The following DNAH11 variants were observed in gnomAD, a reference collection of about 807,000 sequenced individuals.
DNAH11 encodes dynein axonemal heavy chain 11.
In DNAH11, 442 loss-of-function variants were observed where a neutral mutation model predicts 526.0. That is an observed-to-expected ratio of 0.84 (90% CI 0.78 to 0.91). The LOEUF (loss-of-function observed/expected upper bound fraction) is 0.91, where lower values mean the gene tolerates loss of function less well. Among genes scored for constraint, DNAH11 ranks in the 40% least tolerant of loss-of-function variants. The probability of loss-of-function intolerance (pLI) is 0.00; values close to 1 mark genes in which losing one functional copy is unlikely to be tolerated. For missense variants in DNAH11, 6,989 were observed against 5,448.7 expected (o/e 1.28, Z -8.90); for synonymous variants, 2,461 against 1,935.9 (o/e 1.27, Z -7.12).
intron 52 of DNAH11, among the ~76,000 whole-genome samples, chr7:21,748,957 T>G (rs1786282488): frequency 6.6e-6 from 1 of 152,138 alleles, no homozygotes; most frequent in East Asian, 1.9e-4. Context: ...TTTGTGTAGG[T>G]TTAATAACAT....
chr7:21,601,097 C>T lies in DNAH11; in HGVS notation c.3343C>T (p.Pro1115Ser), dbSNP rs772893360. The T allele has an allele frequency of 1.1e-5, 17 of 1,610,186 alleles. No individual in the cohort carries two copies. Among genetic ancestry groups the T allele is most frequent in the Non-Finnish European group, 1.4e-5 (17 of 1,179,258 alleles). The change falls in exon 17 of 82, where the codon CCT becomes TCT. Residue 1115 changes from proline to serine, a missense_variant. Physicochemically the swap from Pro to Ser is moderately conservative, Grantham distance 74 (BLOSUM62 -1). Transcript: ENST00000409508. ...TAGTTGGTTCAAGGTGGACATGAAG[C>T]CTTTCAAAGTGAGCTTGTTAACCAT... The part of the protein sequence containing the change: ...FDSWFKVDMK[P>S]FKVSLLTIIK...
chr7:21,836,294 C>T (rs1257697348), intron 65 of DNAH11, among the ~76,000 whole-genome samples: 2 of 151,888 alleles, frequency 1.3e-5, no homozygotes, highest in Non-Finnish European at 2.9e-5. Context: ...AATAGCCAAA[C>T]CAACCTTGAG....
chr7:21,564,038 A>ATC, intron 5 of DNAH11, 148 bp from the exon 6 acceptor site: 2 of 575,676 alleles, frequency 3.5e-6, no homozygotes, highest in Non-Finnish European at 5.9e-6. Flanking sequence ...TCGTGTGTAG[A>ATC]TTGTAGGATA....
intron 54 of DNAH11, among the ~76,000 whole-genome samples, chr7:21,763,333 C>T (rs1226105551): frequency 8.0e-4 from 19 of 23,738 alleles, no homozygotes; most frequent in African/African-American, 1.5e-3. Context: ...CAGAGCAAGA[C>T]TGTCTCAAAA....
rs762112951 is a variant in DNAH11, at chr7:21,623,056, C to A, written c.4500+2978C>A. 6.5e-4 allele frequency among the ~76,000 whole-genome samples: 99 copies of A among 151,752 alleles called. 1 individual carries two copies. The East Asian group carries it at 0.015, about 24-fold the overall frequency. ...AACCTACAAAATGGGAGAAAATTTTCGCAACCTACTCATCTGACAAAGGGC... is the reference window on the plus strand; with the variant it reads ...AACCTACAAAATGGGAGAAAATTTTAGCAACCTACTCATCTGACAAAGGGC... On this transcript the variant is annotated intron_variant, in intron 25 of 81. Transcript: ENST00000409508.
At chr7:21,563,030 C>A (rs1487452894) in intron 5 of DNAH11, among the ~76,000 whole-genome samples, 1 of 152,056 alleles carries the variant, frequency 6.6e-6, no homozygotes, top group Non-Finnish European at 1.5e-5. Flanking sequence ...TTCTCAGTTC[C>A]TCAAGGGTAT....
Position 21,852,717 on chromosome 7 carries a change from A to G in DNAH11, c.11061+86A>G, listed in dbSNP as rs1035630496. The G allele has an allele frequency of 3.5e-6, 5 of 1,415,280 alleles. No individual in the cohort carries two copies. The East Asian group carries it at 9.4e-5, about 27-fold the overall frequency. The allele number at this position is 1,415,280 out of a possible 1,614,324, so 87.7% of individuals were successfully genotyped here. A position where few individuals can be genotyped will look rare whatever the true frequency, so the allele number is the denominator to read the frequency against. On this transcript the variant is annotated intron_variant, in intron 67 of 81. Coordinates refer to ENST00000409508, the MANE Select transcript of DNAH11 (RefSeq NM_001277115.2). ...GTGGGCAGTGTGATCAGACTTGGTA[A>G]TTCCTCTAAGAGGACCAGCGTGTGG...
chr7:21,729,009 C>G (rs1220178392), intron 45 of DNAH11, among the ~76,000 whole-genome samples: 1 of 152,234 alleles, frequency 6.6e-6, no homozygotes, highest in Non-Finnish European at 1.5e-5. Context: ...CGGTAGCATC[C>G]TGGCTCAGTG....
In DNAH11 at chr7:21,796,210, C is replaced by T. The variant is rs149791297; in HGVS notation, c.10027-4927C>T. Among the ~76,000 whole-genome samples, 5 of 152,258 alleles carry T rather than the reference C, an allele frequency of 3.3e-5. No homozygotes were observed. In the East Asian group the frequency reaches 9.7e-4, roughly 29 times the overall value. On this transcript the variant is annotated intron_variant, in intron 61 of 81. Transcript: ENST00000409508. ...AATAGTAGTTGTATTTTCTTTTAAC[C>T]GTGTTATAGACAATGATTAAGGCAA...
At chr7:21,855,806 A>G (rs1782823632) in intron 68 of DNAH11, among the ~76,000 whole-genome samples, 1 of 152,190 alleles carries the variant, frequency 6.6e-6, no homozygotes, top group African/African-American at 2.4e-5. Flanking sequence ...GTGGAGGTAT[A>G]TCTATATGTA....
chr7:21,544,446 A>G (rs1782729403), intron 1 of DNAH11, among the ~76,000 whole-genome samples: 1 of 152,226 alleles, frequency 6.6e-6, no homozygotes, highest in Non-Finnish European at 1.5e-5. Flanking sequence ...CTTTAAAAAA[A>G]ATAAGTTTGT....
At chr7:21,712,002 G>A (rs1220392517) in intron 42 of DNAH11, 142 bp downstream of exon 42, 3 of 1,019,268 alleles carry the variant, frequency 2.9e-6, no homozygotes, top group Non-Finnish European at 4.3e-6. Flanking sequence ...TCTTCCCAAA[G>A]TGACACTCTT....
intron 63 of DNAH11, among the ~76,000 whole-genome samples, chr7:21,813,891 A>C (rs17145558): frequency 0.012 from 1,830 of 152,308 alleles, 41 homozygotes; most frequent in African/African-American, 0.042. Context: ...AAATTCTGAA[A>C]AGACAAGTTA....
chr7:21,729,141 C>A (rs1785265502), intron 45 of DNAH11, among the ~76,000 whole-genome samples: 1 of 152,214 alleles, frequency 6.6e-6, no homozygotes, highest in Non-Finnish European at 1.5e-5. Flanking sequence ...CTGTGAATTG[C>A]CTTTGGAGTT....
chr7:21,621,921 C>T (rs1786080950), intron 25 of DNAH11, among the ~76,000 whole-genome samples: 1 of 152,064 alleles, frequency 6.6e-6, no homozygotes, highest in Non-Finnish European at 1.5e-5. Context: ...GACAGGGATG[C>T]CCTCTCTCAC....
intron 62 of DNAH11, 93 bp downstream of exon 62, chr7:21,801,368 T>C: frequency 6.7e-7 from 1 of 1,491,104 alleles, no homozygotes; most frequent in African/African-American, 1.4e-5. Context: ...TAAATAGACA[T>C]GGAATTAACA....
intron 76 of DNAH11, 70 bp downstream of exon 76, chr7:21,884,480 A>G (rs1784048002): frequency 7.0e-7 from 1 of 1,423,752 alleles, no homozygotes; most frequent in Middle Eastern, 1.8e-4. Context: ...AATTTTATAA[A>G]CTAATTATAC....
At chr7:21,705,898 A>T (rs1016600371) in intron 39 of DNAH11, among the ~76,000 whole-genome samples, 1 of 152,204 alleles carries the variant, frequency 6.6e-6, no homozygotes, top group Admixed American at 6.5e-5. Flanking sequence ...TTTATCAAAG[A>T]TAAACATATT....
intron 20 of DNAH11, among the ~76,000 whole-genome samples, chr7:21,612,329 G>A (rs1010906406): frequency 2.0e-5 from 3 of 152,044 alleles, no homozygotes; most frequent in Admixed American, 2.0e-4. Context: ...GCCGAGGTGG[G>A]CAGATCACAA....
Sources: allele counts gnomAD v4.1 joint callset (sites outside exome capture counted in the v4.1 genomes callset), GRCh38; gene constraint gnomAD v4.1.1; transcripts MANE v1.5; gene names NCBI Gene and HGNC (gene_info 2026-07-23, HGNC 2026-07-21).